Variants in CLXN observed in about 807,000 individuals in gnomAD.
CLXN encodes the protein calaxin, also known as EF-hand calcium binding domain 1.
the CLXN span, chr8:48,724,905 T>G: frequency 1.2e-6 from 1 of 860,568 alleles, no homozygotes. Flanking sequence ...AACTGAGGGT[T>G]AGTGGGCATC....
chr8:48,730,488 T>G, the CLXN span: 1 of 1,242,598 alleles, frequency 8.0e-7, no homozygotes, highest in Non-Finnish European at 1.1e-6. Context: ...TTTAAGTGCT[T>G]TAGATATGTT....
At chr8:48,730,433 G>T in the CLXN span, 1 of 600,506 alleles carries the variant, frequency 1.7e-6, no homozygotes, top group Non-Finnish European at 2.8e-6. Flanking sequence ...CAACTAACCA[G>T]CCAACCAACA....
chr8:48,714,333 T>C, the CLXN span, among the ~76,000 whole-genome samples: 8 of 152,198 alleles, frequency 5.3e-5, no homozygotes, highest in Non-Finnish European at 1.2e-4. Flanking sequence ...AATCTAGATA[T>C]TGCAGCACAA....
At chr8:48,729,208 T>C in the CLXN span, 1 of 1,374,742 alleles carries the variant, frequency 7.3e-7, no homozygotes, top group Non-Finnish European at 1.0e-6. Flanking sequence ...ACATGCTCTT[T>C]TCATAGTCAA....
At chr8:48,728,221 A>G in the CLXN span, among the ~76,000 whole-genome samples, 1 of 152,218 alleles carries the variant, frequency 6.6e-6, no homozygotes, top group Non-Finnish European at 1.5e-5. Flanking sequence ...CCAGCCTCAG[A>G]GCACACCAAA....
At chr8:48,727,453 AAGAC>A in the CLXN span, among the ~76,000 whole-genome samples, 1 of 152,202 alleles carries the variant, frequency 6.6e-6, no homozygotes, top group Admixed American at 6.5e-5. Flanking sequence ...TAAGATGGTC[AAGAC>A]AGGGCTCTGT....
the CLXN span, among the ~76,000 whole-genome samples, chr8:48,714,723 G>A: frequency 3.9e-5 from 6 of 152,142 alleles, no homozygotes; most frequent in African/African-American, 1.4e-4. Context: ...CAGTTCAGTT[G>A]GAAGCCTTTC....
the CLXN span, chr8:48,731,199 A>G: frequency 5.2e-6 from 4 of 762,358 alleles, no homozygotes; most frequent in East Asian, 3.2e-5. Context: ...CTCCTTTTCT[A>G]TGATCTTCTC....
the CLXN span, among the ~76,000 whole-genome samples, chr8:48,726,969 C>T: frequency 6.7e-6 from 1 of 149,196 alleles, no homozygotes; most frequent in Admixed American, 6.7e-5. Flanking sequence ...ACCCACTTCA[C>T]CTATCCACCC....
the CLXN span, among the ~76,000 whole-genome samples, chr8:48,734,006 A>G: frequency 6.6e-6 from 1 of 152,236 alleles, no homozygotes; most frequent in Admixed American, 6.5e-5. Context: ...AGTAGTCATA[A>G]TAATATCTTA....
chr8:48,726,744 CCCATCCAT>C, the CLXN span, among the ~76,000 whole-genome samples: 1 of 144,858 alleles, frequency 6.9e-6, no homozygotes, highest in South Asian at 2.3e-4. Context: ...ACTCACCTCA[CCCATCCAT>C]CCATCCATCT....
the CLXN span, among the ~76,000 whole-genome samples, chr8:48,721,023 T>C: frequency 1.3e-5 from 2 of 152,100 alleles, no homozygotes; most frequent in African/African-American, 2.4e-5. Context: ...TGAAACATCA[T>C]CATCATATAT....
chr8:48,720,376 T>A, the CLXN span, among the ~76,000 whole-genome samples: 7,314 of 152,182 alleles, frequency 0.048, 290 homozygotes, highest in East Asian at 0.22. Flanking sequence ...GCAAGGAATA[T>A]TAATATCCTG....
chr8:48,729,332 C>T, the CLXN span, among the ~76,000 whole-genome samples: 1 of 151,774 alleles, frequency 6.6e-6, no homozygotes, highest in East Asian at 1.9e-4. Flanking sequence ...TGAGACCATA[C>T]TGGGCAACAT....
chr8:48,728,094 G>C, the CLXN span, among the ~76,000 whole-genome samples: 1 of 152,108 alleles, frequency 6.6e-6, no homozygotes, highest in Non-Finnish European at 1.5e-5. Flanking sequence ...TGGGAAGAGT[G>C]ATACTGTTTC....
chr8:48,724,842 A>C, the CLXN span: 2 of 1,546,546 alleles, frequency 1.3e-6, no homozygotes, highest in Admixed American at 1.7e-5. Context: ...ATTTCCAAAA[A>C]AGGTAGAACA....
chr8:48,720,479 G>C, the CLXN span, among the ~76,000 whole-genome samples: 1 of 152,124 alleles, frequency 6.6e-6, no homozygotes, highest in East Asian at 1.9e-4. Flanking sequence ...GATACACCCT[G>C]GTCTCCTGCA....
the CLXN span, chr8:48,730,546 T>A: frequency 6.2e-7 from 1 of 1,605,578 alleles, no homozygotes; most frequent in Non-Finnish European, 8.5e-7. Context: ...TTACATTTCA[T>A]TTTTTCTTCC....
At chr8:48,735,277 G>T in the CLXN span, 1 of 1,100,348 alleles carries the variant, frequency 9.1e-7, no homozygotes, top group African/African-American at 1.6e-5. Context: ...CTGATCTCGT[G>T]CGCGGCCCTA....
Sources: allele counts gnomAD v4.1 joint callset (sites outside exome capture counted in the v4.1 genomes callset), GRCh38; gene constraint gnomAD v4.1.1; transcripts MANE v1.5; gene names NCBI Gene and HGNC (gene_info 2026-07-23, HGNC 2026-07-21).